The following CARD8 variants were observed in gnomAD, a reference collection of about 807,000 sequenced individuals.
CARD8 encodes caspase recruitment domain-containing protein 8.
A neutral mutation model predicts 53.2 loss-of-function variants in CARD8; 38 were observed. The observed-to-expected ratio is 0.71, with a 90% CI of 0.55 to 0.94. The LOEUF is 0.94. CARD8 is among the 40% of genes least tolerant of loss of function. The pLI, the probability that CARD8 is intolerant of heterozygous loss-of-function variation, is 0.00. For missense variants in CARD8, 561 were observed against 655.5 expected (o/e 0.86, Z 1.57); for synonymous variants, 245 against 244.9 (o/e 1.00, Z 0.00).
At chr19:48,232,587 A>AGCT in intron 6 of CARD8, 94 bp from the exon 7 acceptor site, 1 of 1,064,832 alleles carries the variant, frequency 9.4e-7, no homozygotes, top group Non-Finnish European at 1.4e-6. Context: ...CTAGAGCTGC[A>AGCT]CTGTCCCGTA....
chr19:48,252,709 G>C (rs2047079455), intron 1 of CARD8, among the ~76,000 whole-genome samples: 1 of 151,518 alleles, frequency 6.6e-6, no homozygotes, highest in Non-Finnish European at 1.5e-5. Context: ...CGTTGGCCAG[G>C]CTGGTCTAGA....
intron 12 of CARD8, among the ~76,000 whole-genome samples, chr19:48,216,609 A>T (rs1367849927): frequency 6.6e-6 from 1 of 152,184 alleles, no homozygotes; most frequent in African/African-American, 2.4e-5. Context: ...TGCCCAGAGA[A>T]GGGGAGGCAC....
intron 3 of CARD8, chr19:48,242,627 G>A (rs1449669151): frequency 6.6e-6 from 1 of 152,164 alleles, no homozygotes; most frequent in Non-Finnish European, 1.5e-5. Flanking sequence ...AGACATTTGG[G>A]TGAGTTCCAC....
rs879043118 is a variant in CARD8, at chr19:48,230,948, C to A, written c.601G>T (p.Val201Leu). ...ATCGTCACTGTGACCTCATCCCTTA[C>A]CAGGAAGCCGAGGCCTGTGGCTGAC... ...LWSATGLGFL[V>L]RDEVTVTIAF... Residue 201 changes from valine (V) to leucine (L), a missense_variant, in exon 9 of 14, where the codon GTA becomes TTA. Val to Leu is a conservative substitution (Grantham distance 32). Transcript: ENST00000651546. 2 of 1,614,050 alleles carry A rather than the reference C, an allele frequency of 1.2e-6. No homozygotes were observed. Among genetic ancestry groups the A allele is most frequent in the Non-Finnish European group, 1.7e-6 (2 of 1,180,050 alleles).
At chr19:48,242,220 C>T (rs1038401919) in intron 3 of CARD8, among the ~76,000 whole-genome samples, 3 of 152,116 alleles carry the variant, frequency 2.0e-5, no homozygotes, top group East Asian at 1.9e-4. Flanking sequence ...ATGGTCTCAA[C>T]GCCCTTAGCA....
rs200821759 is a variant in CARD8, at chr19:48,238,473, C to T, written c.119G>A (p.Arg40Gln). 2.0e-4 allele frequency: 311 copies of T among 1,536,346 alleles called. No individual in the cohort carries two copies. The highest frequency in any genetic ancestry group is 5.1e-4 in the Admixed American group (26 of 51,000). ...ASKLIRLQGS[R>Q]KLLVDNSIRE... ...TATGCTATTGTCAACCAACAGTTTC[C>T]GTGATCCTTGTAGTCTAATGAGTTT... is the stretch of plus-strand genomic sequence containing the variant. The change falls in exon 5 of 14, where the codon CGG (arginine) becomes CAG (glutamine). Residue 40 changes from arginine to glutamine, a missense_variant. Arg to Gln is a conservative substitution (Grantham distance 43). Coordinates refer to ENST00000651546, the MANE Select transcript of CARD8 (RefSeq NM_001184900.3).
At chr19:48,232,565 T>A (rs1843712203) in intron 6 of CARD8, 72 bp from the exon 7 acceptor site, 1 of 1,345,194 alleles carries the variant, frequency 7.4e-7, no homozygotes, top group Non-Finnish European at 1.0e-6. Flanking sequence ...ATGAAGACGA[T>A]GTTATTGAAA....
chr19:48,218,152 A>G (rs1259017258), intron 12 of CARD8, among the ~76,000 whole-genome samples: 1 of 123,320 alleles, frequency 8.1e-6, no homozygotes, highest in Non-Finnish European at 1.8e-5. Context: ...CTGACAATAG[A>G]TTTCTCTTTT....
At chr19:48,238,265 A>G in intron 5 of CARD8, 118 bp downstream of exon 5, 1 of 1,413,458 alleles carries the variant, frequency 7.1e-7, no homozygotes, top group Non-Finnish European at 9.3e-7. Context: ...GAAAAGTAAC[A>G]TATATACTAA....
intron 1 of CARD8, among the ~76,000 whole-genome samples, chr19:48,254,002 T>C (rs776254473): frequency 2.6e-4 from 40 of 152,180 alleles, no homozygotes; most frequent in Admixed American, 5.2e-4. Flanking sequence ...AGGAAACACA[T>C]AGCATACATA....
rs541639032 is a variant in CARD8 at position 48,226,204 on chromosome 19, AT to A, written c.1035+4233del. Among the ~76,000 whole-genome samples, 490 of 152,122 alleles carry A rather than the reference AT, an allele frequency of 3.2e-3. 2 individuals carry two copies. The highest frequency in any genetic ancestry group is 0.011 in the African/African-American group (449 of 41,500). On this transcript the variant is annotated intron_variant, in intron 10 of 13. Coordinates refer to ENST00000651546, the MANE Select transcript of CARD8 (RefSeq NM_001184900.3). ...AGTGTATTAGAATTAAAAAATTTTA[AT>A]TTTTTTTCTTTCCAACATTTATTTT...
chr19:48,206,713 C>CTG (rs145202889), downstream of CARD8, among the ~76,000 whole-genome samples: 69,410 of 150,514 alleles, frequency 0.46, 17,044 homozygotes, highest in Non-Finnish European at 0.56. Context: ...CACTCCGACT[C>CTG]TGGAGTGTAC....
intron 11 of CARD8, among the ~76,000 whole-genome samples, chr19:48,220,898 G>A (rs771203585): frequency 2.0e-4 from 30 of 149,162 alleles, no homozygotes; most frequent in Non-Finnish European, 4.0e-4. Context: ...GCAACAGAGC[G>A]AGACTCCATC....
chr19:48,243,691 T>C (rs538933074), intron 3 of CARD8, among the ~76,000 whole-genome samples: 1 of 152,170 alleles, frequency 6.6e-6, no homozygotes, highest in Non-Finnish European at 1.5e-5. Context: ...ATATATTTAA[T>C]TTTTTCTCAT....
intron 11 of CARD8, among the ~76,000 whole-genome samples, chr19:48,220,712 G>A (rs2040317813): frequency 6.6e-6 from 1 of 152,020 alleles, no homozygotes; most frequent in African/African-American, 2.4e-5. Flanking sequence ...AGGAGTTCGA[G>A]ACCAGCCTGG....
At chr19:48,227,006 T>C (rs74322652) in intron 10 of CARD8, among the ~76,000 whole-genome samples, 1 of 151,670 alleles carries the variant, frequency 6.6e-6, no homozygotes, top group African/African-American at 2.4e-5. Context: ...ATCACTTCAC[T>C]TGAACCTGGG....
At chr19:48,247,739 C>T (rs890196105) in intron 3 of CARD8, among the ~76,000 whole-genome samples, 19 of 141,764 alleles carry the variant, frequency 1.3e-4, no homozygotes, top group African/African-American at 4.6e-4. Context: ...ACTATACTTT[C>T]ATGACACTAT....
intron 12 of CARD8, among the ~76,000 whole-genome samples, chr19:48,218,331 C>A (rs1415790033): frequency 6.6e-6 from 1 of 150,562 alleles, no homozygotes; most frequent in South Asian, 2.1e-4. Flanking sequence ...AAGCCCTGCA[C>A]GCATTAGCTA....
At chr19:48,203,491 G>C (rs969689325), downstream of CARD8, 2 of 152,246 alleles carry the variant, frequency 1.3e-5, no homozygotes, top group African/African-American at 4.8e-5. Context: ...CTGTCTATAG[G>C]GCTTTGTGAG....
Sources: allele counts gnomAD v4.1 joint callset (sites outside exome capture counted in the v4.1 genomes callset), GRCh38; gene constraint gnomAD v4.1.1; transcripts MANE v1.5; gene names NCBI Gene and HGNC (gene_info 2026-07-23, HGNC 2026-07-21).